FAR2: variants seen among roughly 807,000 people sequenced by gnomAD.
FAR2 encodes epididymis secretory protein Li 81.
In FAR2, 19 loss-of-function variants were observed where a neutral mutation model predicts 56.0. The observed-to-expected ratio is 0.34, with a 90% confidence interval of 0.24 to 0.50. FAR2 has a LOEUF of 0.50. Among genes scored for constraint, FAR2 ranks in the 20% least tolerant of loss-of-function variants. The probability of loss-of-function intolerance (pLI) is 0.98; values close to 1 mark genes in which losing one functional copy is unlikely to be tolerated. For missense variants in FAR2, 508 were observed against 642.2 expected, an observed-to-expected ratio of 0.79 and a Z score of 2.26; for synonymous variants, 219 against 218.8, an observed-to-expected ratio of 1.00 and a Z score of -0.01.
intron 1 of FAR2, among the ~76,000 whole-genome samples, chr12:29,199,803 A>T (rs1339938412): frequency 6.6e-6 from 1 of 152,138 alleles, no homozygotes. Flanking sequence ...GATTGATCTT[A>T]TGTGAGGAGT....
At chr12:29,207,956 T>C (rs6487784) in intron 1 of FAR2, among the ~76,000 whole-genome samples, 103,702 of 152,136 alleles carry the variant, frequency 0.68, 36,138 homozygotes, top group Non-Finnish European at 0.77. Context: ...GGTCCCAGCA[T>C]TTTGGGAGGC....
intron 1 of FAR2, among the ~76,000 whole-genome samples, chr12:29,215,341 G>T (rs1009407283): frequency 1.3e-5 from 2 of 152,124 alleles, no homozygotes; most frequent in African/African-American, 4.8e-5. Flanking sequence ...GAAAGGGAAA[G>T]AAAAATAAAA....
intron 8 of FAR2, among the ~76,000 whole-genome samples, 165 bp downstream of exon 8, chr12:29,312,115 G>T (rs563537662): frequency 6.6e-6 from 1 of 152,164 alleles, no homozygotes; most frequent in Admixed American, 6.5e-5. Flanking sequence ...TAACTAGAAT[G>T]TACTGTGGTT....
intron 1 of FAR2, among the ~76,000 whole-genome samples, chr12:29,172,240 C>T (rs35244320): frequency 0.044 from 6,660 of 151,596 alleles, 413 homozygotes; most frequent in African/African-American, 0.14. Context: ...TCTGCCTGGT[C>T]GCTGCCCCAT....
intron 1 of FAR2, among the ~76,000 whole-genome samples, chr12:29,253,226 TATCTAGATAG>T (rs1440899460): frequency 0.018 from 1,950 of 106,428 alleles, 232 homozygotes; most frequent in African/African-American, 0.034. Context: ...TATCGATATC[TATCTAGATAG>T]ATATCTATAT....
intron 9 of FAR2, among the ~76,000 whole-genome samples, chr12:29,319,753 T>C (rs1949521310): frequency 1.3e-5 from 2 of 152,226 alleles, no homozygotes; most frequent in African/African-American, 4.8e-5. Flanking sequence ...TCCTATTCTG[T>C]AAAATGGGCA....
intron 1 of FAR2, among the ~76,000 whole-genome samples, chr12:29,244,782 A>G (rs1948098314): frequency 6.6e-6 from 1 of 152,184 alleles, no homozygotes. Flanking sequence ...ATTCAATTAC[A>G]CTATCTAGGC....
chr12:29,295,669 A>G (rs1949054092), intron 3 of FAR2, among the ~76,000 whole-genome samples: 1 of 150,748 alleles, frequency 6.6e-6, no homozygotes, highest in South Asian at 2.1e-4. Flanking sequence ...TGAATTTGAT[A>G]TATTTTAAAC....
intron 1 of FAR2, among the ~76,000 whole-genome samples, chr12:29,154,923 C>CT (rs998153352): frequency 1.3e-5 from 2 of 152,150 alleles, no homozygotes; most frequent in Non-Finnish European, 2.9e-5. Context: ...TAGATTAAAC[C>CT]TTTTAACATC....
intron 1 of FAR2, among the ~76,000 whole-genome samples, chr12:29,187,565 A>G (rs1389354170): frequency 1.3e-5 from 2 of 152,170 alleles, no homozygotes; most frequent in East Asian, 3.8e-4. Flanking sequence ...ATCTTGTCTG[A>G]AAAGATTTAA....
At chr12:29,227,878 T>TA (rs111448541) in intron 1 of FAR2, among the ~76,000 whole-genome samples, 73,616 of 146,944 alleles carry the variant, frequency 0.5, 18,289 homozygotes, top group Middle Eastern at 0.6. Context: ...TTTGCTAAGG[T>TA]AAAAAAAAAA....
chr12:29,258,540 A>T (rs772867046), intron 1 of FAR2, among the ~76,000 whole-genome samples: 4 of 152,332 alleles, frequency 2.6e-5, no homozygotes, highest in Admixed American at 1.3e-4. Context: ...TTTTCACAAA[A>T]TAGCAATGAC....
intron 1 of FAR2, among the ~76,000 whole-genome samples, chr12:29,163,415 A>G (rs191137250): frequency 6.6e-6 from 1 of 152,348 alleles, no homozygotes; most frequent in Admixed American, 6.5e-5. Flanking sequence ...GCAAAGAGGT[A>G]TTATCCACAG....
At chr12:29,248,051 T>A (rs555928850) in intron 1 of FAR2, among the ~76,000 whole-genome samples, 5 of 152,352 alleles carry the variant, frequency 3.3e-5, no homozygotes, top group African/African-American at 1.2e-4. Flanking sequence ...ATGTGTGACA[T>A]CTGTGACCTT....
chr12:29,268,141 A>G (rs1222834773), intron 1 of FAR2, among the ~76,000 whole-genome samples: 1 of 152,226 alleles, frequency 6.6e-6, no homozygotes, highest in Non-Finnish European at 1.5e-5. Context: ...CTAGCAGAGC[A>G]TTCTGGACCA....
rs573647681 is a variant in FAR2 at position 29,183,889 on chromosome 12, C to G, written c.-39+34482C>G. On this transcript the variant is annotated intron_variant, in intron 1 of 11. Transcript: ENST00000536681. ...ATTCCAAATGAACATTTACTAGATG[C>G]CTTCAGATTTTCAGAATCTATACCA... Among the ~76,000 whole-genome samples, 5 of 152,214 alleles carry G rather than the reference C, an allele frequency of 3.3e-5. No homozygotes were observed. In the East Asian group the frequency reaches 7.7e-4, roughly 23 times the overall value.
intron 1 of FAR2, among the ~76,000 whole-genome samples, chr12:29,199,206 T>C (rs991283588): frequency 6.6e-6 from 1 of 152,182 alleles, no homozygotes; most frequent in African/African-American, 2.4e-5. Context: ...CCATAGTGTA[T>C]GACACAATCA....
At chr12:29,168,207 G>A (rs997970221) in intron 1 of FAR2, among the ~76,000 whole-genome samples, 20 of 152,144 alleles carry the variant, frequency 1.3e-4, no homozygotes, top group Admixed American at 4.6e-4. Flanking sequence ...TTTGGTTCTC[G>A]CTCCATAAAA....
intron 1 of FAR2, among the ~76,000 whole-genome samples, chr12:29,242,666 C>A (rs1450426682): frequency 1.1e-4 from 17 of 152,202 alleles, no homozygotes. Flanking sequence ...GTCTGCAAAA[C>A]CAGCAGGCCT....
Sources: gnomAD v4.1 joint callset for allele counts (sites outside exome capture counted in the v4.1 genomes callset) on GRCh38, gnomAD v4.1.1 for gene constraint, MANE v1.5 for transcripts, NCBI Gene and HGNC (gene_info 2026-07-23, HGNC 2026-07-21) for gene names.